MACF1: variants seen among roughly 807,000 people sequenced by gnomAD.
MACF1 encodes the protein microtubule actin crosslinking factor 1, also known as microtubule-actin cross-linking factor 1.
A neutral mutation model predicts 854.8 loss-of-function variants in MACF1; 193 were observed. The ratio of observed to expected loss-of-function variants is 0.23; its 90% CI spans 0.20 to 0.25. MACF1 has a LOEUF of 0.25. Ranked by LOEUF, MACF1 falls within the 10% of genes least tolerant of loss-of-function variation. The probability of loss-of-function intolerance (pLI) is 1.00; values close to 1 mark genes in which losing one functional copy is unlikely to be tolerated. For missense variants in MACF1, 7,722 were observed against 8,929.1 expected (o/e 0.86, Z 5.45); for synonymous variants, 3,185 against 3,226.7 (o/e 0.99, Z 0.44).
At position 39,274,878 on chromosome 1, in the gene MACF1, A is replaced by C. The variant is rs1413891026; in HGVS notation, c.529-7330A>C. 2.0e-5 allele frequency among the ~76,000 whole-genome samples: 3 copies of C among 152,232 alleles called. No homozygotes were observed. In the South Asian group the frequency reaches 6.2e-4, roughly 31 times the overall value. On this transcript the variant is annotated intron_variant, in intron 6 of 100. Coordinates refer to ENST00000564288, the MANE Select transcript of MACF1 (RefSeq NM_001394062.1). ...TGTGAGAATAATATGAATTAATACAAGTAATCACAATAAATGCTAGTTAAT... is the reference window on the plus strand; with the variant it reads ...TGTGAGAATAATATGAATTAATACACGTAATCACAATAAATGCTAGTTAAT...
chr1:39,403,640 CA>C (rs987338224), intron 58 of MACF1, among the ~76,000 whole-genome samples: 8 of 152,136 alleles, frequency 5.3e-5, no homozygotes, highest in Non-Finnish European at 1.0e-4. Flanking sequence ...TCTCTCTGGT[CA>C]GTTGTGAAGC....
At chr1:39,102,837 G>A (rs563305114) in intron 2 of MACF1, 39 of 702,546 alleles carry the variant, frequency 5.6e-5, no homozygotes, top group South Asian at 5.5e-4. Flanking sequence ...CGACTGTGTG[G>A]TCTGGCTATA....
rs762645836 is a variant in MACF1, at chr1:39,458,359, G to A, written c.21076-11G>A. 1.1e-5 allele frequency: 17 copies of A among 1,605,058 alleles called. No individual in the cohort carries two copies. Among genetic ancestry groups the A allele is most frequent in the Admixed American group, 8.8e-5 (5 of 56,942 alleles). ...TATTTAACTCTTTTTCCTATTTTTT[G>A]TGTTTAACAGACATTTATGGAGGAG... On this transcript the variant is annotated splice_polypyrimidine_tract_variant and intron_variant, in intron 89 of 100. Coordinates refer to ENST00000564288, the MANE Select transcript of MACF1 (RefSeq NM_001394062.1).
chr1:39,340,410 T>C, intron 38 of MACF1, 92 bp from the exon 39 acceptor site: 2 of 859,036 alleles, frequency 2.3e-6, no homozygotes, highest in Non-Finnish European at 3.7e-6. Flanking sequence ...AAAGTGTGTG[T>C]AGACATGGGG....
At chr1:39,433,274 A>G in intron 68 of MACF1, 119 bp downstream of exon 68, 7 of 577,494 alleles carry the variant, frequency 1.2e-5, no homozygotes, top group Non-Finnish European at 2.1e-5. Flanking sequence ...TATGATTGTT[A>G]TTAAAGTCCA....
intron 85 of MACF1, among the ~76,000 whole-genome samples, chr1:39,451,582 A>G (rs1456333754): frequency 6.6e-6 from 1 of 152,046 alleles, no homozygotes; most frequent in African/African-American, 2.4e-5. Flanking sequence ...GAACCTAACA[A>G]TCCTAACACC....
chr1:39,366,659 C>T lies in MACF1; in HGVS notation c.12772-1489C>T, dbSNP rs554018303. ...GTTTAACTACTTCGTTGTTTGATTTCGTTTTATTGTTGATTATCTTGGGTT... is the reference window on the plus strand; with the variant it reads ...GTTTAACTACTTCGTTGTTTGATTTTGTTTTATTGTTGATTATCTTGGGTT... On this transcript the variant is annotated intron_variant, in intron 49 of 100. Coordinates refer to ENST00000564288, the MANE Select transcript of MACF1 (RefSeq NM_001394062.1). 1.3e-4 allele frequency among the ~76,000 whole-genome samples: 19 copies of T among 146,842 alleles called. No individual in the cohort carries two copies. The South Asian group carries it at 1.5e-3, about 12-fold the overall frequency.
At chr1:39,445,490 T>A (rs1394472100) in intron 80 of MACF1, among the ~76,000 whole-genome samples, 1 of 152,186 alleles carries the variant, frequency 6.6e-6, no homozygotes, top group African/African-American at 2.4e-5. Context: ...CCAAGTCCTG[T>A]GCCTGATTTA....
intron 1 of MACF1, among the ~76,000 whole-genome samples, chr1:39,229,205 A>C (rs1359686048): frequency 6.6e-6 from 1 of 152,192 alleles, no homozygotes; most frequent in East Asian, 1.9e-4. Flanking sequence ...TAGACTATAT[A>C]ATTTCTAAGG....
rs1228005759 is a variant in MACF1 at position 39,372,556 on chromosome 1, C to T, written c.13173C>T (p.Leu4391=). Residue 4391 remains leucine (L), a synonymous_variant, in exon 52 of 101, where the codon CTC becomes CTT. Coordinates refer to ENST00000564288, the MANE Select transcript of MACF1 (RefSeq NM_001394062.1). ...INCKGTSLEN[L]IMEITAPDSQ... is the part of the protein sequence containing the mutation. ...GCAAAGGTACTTCTTTAGAAAATCT[C>T]ATCATGGAAATCACAGCACCTGATT... The T allele has an allele frequency of 1.2e-6, 2 of 1,613,710 alleles. No individual in the cohort carries two copies. The highest frequency in any genetic ancestry group is 1.1e-5 in the South Asian group (1 of 91,026).
At chr1:39,217,908 T>G (rs1571186131) in intron 1 of MACF1, among the ~76,000 whole-genome samples, 2 of 135,584 alleles carry the variant, frequency 1.5e-5, no homozygotes. Context: ...AAGAGGTCGG[T>G]CACAGTGGCT....
At chr1:39,437,457 T>C (rs596705) in intron 70 of MACF1, among the ~76,000 whole-genome samples, 52,449 of 151,714 alleles carry the variant, frequency 0.35, 9,592 homozygotes, top group African/African-American at 0.47. Context: ...ACTACGGGCG[T>C]GCGCCACCAC....
At chr1:39,289,053 G>A (rs1209323229) in intron 15 of MACF1, among the ~76,000 whole-genome samples, 1 of 152,074 alleles carries the variant, frequency 6.6e-6, no homozygotes, top group African/African-American at 2.4e-5. Context: ...CATCCATATT[G>A]TTGCAAATGA....
chr1:39,090,435 T>C (rs1303767138), intron 2 of MACF1, among the ~76,000 whole-genome samples: 1 of 152,250 alleles, frequency 6.6e-6, no homozygotes, highest in Non-Finnish European at 1.5e-5. Flanking sequence ...AGCTGTGGGC[T>C]GGAACATGAC....
At chr1:39,383,368 T>C (rs1650413051) in intron 56 of MACF1, among the ~76,000 whole-genome samples, 1 of 152,194 alleles carries the variant, frequency 6.6e-6, no homozygotes, top group Non-Finnish European at 1.5e-5. Context: ...TTTCAAACTT[T>C]TTGGCTTCAA....
At chr1:39,158,602 T>C (rs917020809) in intron 2 of MACF1, among the ~76,000 whole-genome samples, 1 of 152,160 alleles carries the variant, frequency 6.6e-6, no homozygotes, top group African/African-American at 2.4e-5. Context: ...CTTCTCTCCC[T>C]AGAGTTTAAG....
At chr1:39,270,901 C>T (rs981345314) in intron 6 of MACF1, among the ~76,000 whole-genome samples, 2 of 152,116 alleles carry the variant, frequency 1.3e-5, no homozygotes, top group Non-Finnish European at 2.9e-5. Flanking sequence ...GATACATTTT[C>T]CCCACAGACA....
At chr1:39,418,288 T>A (rs952012403) in intron 58 of MACF1, among the ~76,000 whole-genome samples, 1 of 152,226 alleles carries the variant, frequency 6.6e-6, no homozygotes, top group Non-Finnish European at 1.5e-5. Context: ...AGGCTTGGGA[T>A]GCCTGTGGTT....
chr1:39,090,964 C>T (rs1024692205), intron 2 of MACF1, among the ~76,000 whole-genome samples: 1 of 143,762 alleles, frequency 7.0e-6, no homozygotes, highest in Non-Finnish European at 1.5e-5. Flanking sequence ...CTTGTTGCCA[C>T]ATGTCAGTTA....
Sources: gnomAD v4.1 joint callset for allele counts (sites outside exome capture counted in the v4.1 genomes callset) on GRCh38, gnomAD v4.1.1 for gene constraint, MANE v1.5 for transcripts, NCBI Gene and HGNC (gene_info 2026-07-23, HGNC 2026-07-21) for gene names.